RBM26: variants seen among roughly 807,000 people sequenced by gnomAD.
RBM26 encodes RNA binding motif protein 26, also known as RNA-binding protein 26.
Under a neutral mutation model 123.6 loss-of-function variants are expected in RBM26, and 30 were observed. The ratio of observed to expected loss-of-function variants is 0.24; its 90% CI spans 0.18 to 0.33. RBM26 has a LOEUF of 0.33. RBM26 is among the 10% of genes least tolerant of loss of function. RBM26 has a pLI of 1.00. For missense variants in RBM26, 947 were observed against 1,203.6 expected (o/e 0.79, Z 3.15); for synonymous variants, 400 against 404.4 (o/e 0.99, Z 0.13).
At chr13:79,354,899 G>A (rs1463274549) in intron 12 of RBM26, among the ~76,000 whole-genome samples, 2 of 152,202 alleles carry the variant, frequency 1.3e-5, no homozygotes, top group Non-Finnish European at 2.9e-5. Context: ...GGGGAGAGGG[G>A]AAAGAAGAGA....
intron 20 of RBM26, among the ~76,000 whole-genome samples, chr13:79,326,017 G>GACCAAAGGGCTATAT (rs1351392478): frequency 1.3e-5 from 2 of 152,146 alleles, no homozygotes; most frequent in African/African-American, 4.8e-5. Context: ...CGTAGCCTAA[G>GACCAAAGGGCTATAT]ACCAACGGGC....
intron 1 of RBM26, among the ~76,000 whole-genome samples, chr13:79,392,080 C>G (rs1374113588): frequency 3.9e-5 from 5 of 129,202 alleles, no homozygotes; most frequent in African/African-American, 1.5e-4. Context: ...TACAATAATA[C>G]ATAATTATAT....
At chr13:79,388,284 TG>T (rs1238193454) in intron 1 of RBM26, among the ~76,000 whole-genome samples, 2 of 152,176 alleles carry the variant, frequency 1.3e-5, no homozygotes, top group African/African-American at 4.8e-5. Context: ...TAAGTAGAGA[TG>T]GGGTTTCACC....
chr13:79,368,894 C>T lies in RBM26; in HGVS notation c.731G>A (p.Gly244Asp). 6.2e-7 allele frequency: 1 copy of T among 1,612,774 alleles called. No individual in the cohort carries two copies. The highest frequency in any genetic ancestry group is 8.5e-7 in the Non-Finnish European group (1 of 1,179,048). The change falls in exon 6 of 22, where the codon GGC (glycine) becomes GAC (aspartate). Residue 244 changes from glycine (G) to aspartate (D), a missense_variant. Physicochemically the swap from Gly to Asp is moderately conservative, Grantham distance 94. This residue lies in a region of RBM26 where 275 missense variants were observed against 361.0 expected (regional missense o/e 0.76). Transcript: ENST00000438737. ...GCTCAAAGTAGGTACAGGGTAGTGGCCAGATGAAATACTAGGTACCGAAGA... is the reference window on the plus strand; with the variant it reads ...GCTCAAAGTAGGTACAGGGTAGTGGTCAGATGAAATACTAGGTACCGAAGA... Reference protein sequence around the residue: ...PVSSVPSISSGHYPVPTLSST... With the variant: ...PVSSVPSISSDHYPVPTLSST...
At position 79,405,916 on chromosome 13, in the gene RBM26, C is replaced by T. The variant is rs1217611536; in HGVS notation, c.-142G>A. ...CGCCGGTGGCAGGTTCCCGCGGGCCCCGGTCGGCGAACAGCTCTGCAAGGA... is the reference window on the plus strand; with the variant it reads ...CGCCGGTGGCAGGTTCCCGCGGGCCTCGGTCGGCGAACAGCTCTGCAAGGA... On this transcript the variant is annotated 5_prime_UTR_variant, in exon 1 of 22. Transcript: ENST00000438737. The T allele has an allele frequency of 7.9e-6, 3 of 378,500 alleles. No individual in the cohort carries two copies. Among genetic ancestry groups the T allele is most frequent in the Non-Finnish European group, 1.4e-5 (3 of 220,070 alleles). The allele number at this position is 378,500 out of a possible 1,614,324, so 23.4% of individuals were successfully genotyped here. A position where few individuals can be genotyped will look rare whatever the true frequency, so the allele number is the denominator to read the frequency against.
chr13:79,332,742 T>C (rs9565487), intron 20 of RBM26, among the ~76,000 whole-genome samples: 69,681 of 151,998 alleles, frequency 0.46, 16,929 homozygotes, highest in East Asian at 0.72. Flanking sequence ...ATCCCTGGTA[T>C]TTTTTATTGT....
intron 20 of RBM26, among the ~76,000 whole-genome samples, chr13:79,332,943 A>T (rs2069676943): frequency 6.6e-6 from 1 of 152,208 alleles, no homozygotes; most frequent in African/African-American, 2.4e-5. Flanking sequence ...TAATAAATCC[A>T]CAAATTTGGC....
intron 1 of RBM26, among the ~76,000 whole-genome samples, chr13:79,386,413 T>G (rs1300393208): frequency 7.9e-6 from 1 of 126,228 alleles, no homozygotes; most frequent in Non-Finnish European, 1.9e-5. Flanking sequence ...ACTTCTAAAT[T>G]AAATAAAAAA....
intron 1 of RBM26, among the ~76,000 whole-genome samples, chr13:79,403,504 C>T (rs1030643515): frequency 2.0e-5 from 3 of 152,188 alleles, no homozygotes; most frequent in Non-Finnish European, 4.4e-5. Flanking sequence ...AAACTGAACG[C>T]TTAAAGGAAA....
intron 20 of RBM26, among the ~76,000 whole-genome samples, chr13:79,332,933 TAATA>T (rs1438794141): frequency 6.6e-6 from 1 of 152,156 alleles, no homozygotes; most frequent in African/African-American, 2.4e-5. Flanking sequence ...TTAAAGTTCT[TAATA>T]AATCCACAAA....
Position 79,378,828 on chromosome 13 carries a change from C to A in RBM26, c.151G>T (p.Ala51Ser), listed in dbSNP as rs750902368. ...ACATCCAGCTGATCAATACATAATG[C>A]CTTTAACTCTTTTTCACTTTTGTCT... ...KKDKSEKELK[A>S]LCIDQLDVFL... is the part of the protein sequence containing the mutation. Residue 51 changes from alanine to serine, a missense_variant, in exon 2 of 22, where the codon GCA becomes TCA. Physicochemically the swap from Ala to Ser is moderately conservative, Grantham distance 99. Coordinates refer to ENST00000438737, the MANE Select transcript of RBM26 (RefSeq NM_001366735.2). 3 of 1,611,536 alleles carry A rather than the reference C, an allele frequency of 1.9e-6. No individual in the cohort carries two copies. The highest frequency in any genetic ancestry group is 2.5e-6 in the Non-Finnish European group (3 of 1,177,860).
rs1021844428 is a variant in RBM26, at chr13:79,366,124, C to G, written c.1207G>C (p.Val403Leu). Residue 403 changes from valine (V) to leucine (L), a missense_variant, in exon 8 of 22, where the codon GTT (valine) becomes CTT (leucine). Physicochemically the swap from Val to Leu is conservative, Grantham distance 32. Around this residue, in one of 5 missense-constraint regions of RBM26, gnomAD observed 493 missense variants for 563.1 expected, o/e 0.88. Transcript: ENST00000438737. ...DAPPNSATSS[V>L]PTVVTTGIHH... ...ATGCCAGTTGTTACTACAGTAGGAA[C>G]AGAACTGGTTGCAGAGTTTGGAGGA... 7.4e-6 allele frequency: 12 copies of G among 1,614,014 alleles called. No individual in the cohort carries two copies. The highest frequency in any genetic ancestry group is 1.3e-5 in the African/African-American group (1 of 75,028).
At chr13:79,368,126 C>T (rs554962635) in intron 6 of RBM26, among the ~76,000 whole-genome samples, 14 of 151,942 alleles carry the variant, frequency 9.2e-5, no homozygotes, top group East Asian at 5.8e-4. Context: ...CCCGGTTTCA[C>T]GCCTTCTCCT....
intron 11 of RBM26, among the ~76,000 whole-genome samples, 178 bp from the exon 12 acceptor site, chr13:79,355,562 G>A (rs961636916): frequency 3.9e-5 from 6 of 152,140 alleles, no homozygotes; most frequent in African/African-American, 1.2e-4. Flanking sequence ...AGTAACCAAG[G>A]ATTGTTCACA....
downstream of RBM26, chr13:79,314,767 A>C (rs537754750): frequency 1.3e-5 from 3 of 236,114 alleles, no homozygotes; most frequent in South Asian, 1.1e-4. Context: ...AAAACATTTA[A>C]GAATAAGGTC....
rs775126128 is a variant in RBM26, at chr13:79,368,840, T to G, written c.785A>C (p.His262Pro). 1 of 1,613,992 alleles carries G rather than the reference T, an allele frequency of 6.2e-7. No homozygotes were observed. The highest frequency in any genetic ancestry group is 1.1e-5 in the South Asian group (1 of 91,078). ...ACTTTCGGTAGTGTTGTTTCCATGATGAGTAGGAGCAATTACTGTAATAGT... is the reference window on the plus strand; with the variant it reads ...ACTTTCGGTAGTGTTGTTTCCATGAGGAGTAGGAGCAATTACTGTAATAGT... ...SSTITVIAPT[H>P]HGNNTTESWS... Residue 262 changes from histidine (H) to proline (P), a missense_variant, in exon 6 of 22, where the codon CAT becomes CCT. His to Pro is a moderately conservative substitution (Grantham distance 77). Coordinates refer to ENST00000438737, the MANE Select transcript of RBM26 (RefSeq NM_001366735.2).
chr13:79,397,787 A>C (rs886807224), intron 1 of RBM26, among the ~76,000 whole-genome samples: 4 of 151,904 alleles, frequency 2.6e-5, no homozygotes, highest in Non-Finnish European at 4.4e-5. Context: ...AATCTATAAA[A>C]TAGCTACTAG....
rs1357910079 is a variant in RBM26 at position 79,344,703 on chromosome 13, G to A, written c.2150C>T (p.Ala717Val). 3 of 1,612,536 alleles carry A rather than the reference G, an allele frequency of 1.9e-6. No homozygotes were observed. In the African/African-American group the frequency reaches 4.0e-5, roughly 22 times the overall value. The part of the protein sequence containing the change: ...AQKTLLVSTS[A>V]VDNNEAQKKK... Reference sequence around the variant, plus strand: ...TTTCTGTGCTTCATTATTATCAACTGCAGAGGTGGAAACAAGTAAGGTTTT... The same window carrying A: ...TTTCTGTGCTTCATTATTATCAACTACAGAGGTGGAAACAAGTAAGGTTTT... The change falls in exon 15 of 22, where the codon GCA (alanine) becomes GTA (valine). Residue 717 changes from alanine (A) to valine (V), a missense_variant. Around this residue, in one of 5 missense-constraint regions of RBM26, gnomAD observed 493 missense variants for 563.1 expected, o/e 0.88. Transcript: ENST00000438737.
chr13:79,317,199 A>G (rs1159814460), downstream of RBM26, among the ~76,000 whole-genome samples: 1 of 151,738 alleles, frequency 6.6e-6, no homozygotes, highest in African/African-American at 2.4e-5. Context: ...TGGCAAATGC[A>G]AGCATGTAGG....
Sources: allele counts gnomAD v4.1 joint callset (sites outside exome capture counted in the v4.1 genomes callset), GRCh38; gene constraint gnomAD v4.1.1; regional missense constraint gnomAD v4.1.1; transcripts MANE v1.5; gene names NCBI Gene and HGNC (gene_info 2026-07-23, HGNC 2026-07-21).